SIPA1L3: variants seen among roughly 807,000 people sequenced by gnomAD.
SIPA1L3 encodes the protein signal induced proliferation associated 1 like 3.
Under a neutral mutation model 150.1 loss-of-function variants are expected in SIPA1L3, and 59 were observed. The observed-to-expected ratio is 0.39, with a 90% confidence interval of 0.32 to 0.49. The LOEUF is 0.49. SIPA1L3 is among the 20% of genes least tolerant of loss of function. SIPA1L3 has a pLI of 0.86. For missense variants in SIPA1L3, 2,211 were observed against 2,489.5 expected (o/e 0.89, Z 2.38); for synonymous variants, 1,070 against 1,077.6 (o/e 0.99, Z 0.14).
At chr19:38,157,121 C>T (rs1463575227) in intron 13 of SIPA1L3, among the ~76,000 whole-genome samples, 2 of 152,076 alleles carry the variant, frequency 1.3e-5, no homozygotes, top group Non-Finnish European at 2.9e-5. Flanking sequence ...CCATGATCCA[C>T]TACACTCCAG....
At chr19:38,051,018 C>T (rs1969185415) in intron 2 of SIPA1L3, among the ~76,000 whole-genome samples, 1 of 152,172 alleles carries the variant, frequency 6.6e-6, no homozygotes, top group African/African-American at 2.4e-5. Flanking sequence ...AAGATCATGC[C>T]ACTGCACTCC....
At chr19:37,948,680 G>A (rs957270620) in intron 1 of SIPA1L3, among the ~76,000 whole-genome samples, 8 of 152,240 alleles carry the variant, frequency 5.3e-5, no homozygotes, top group South Asian at 4.2e-4. Flanking sequence ...GGACAGGCAC[G>A]GCCCCCACGC....
At position 37,991,926 on chromosome 19, in the gene SIPA1L3, A is replaced by T. The variant is rs1028866350; in HGVS notation, c.-378-37163A>T. 3.9e-5 allele frequency among the ~76,000 whole-genome samples: 6 copies of T among 152,334 alleles called. No homozygotes were observed. The East Asian group carries it at 9.6e-4, about 24-fold the overall frequency. On this transcript the variant is annotated intron_variant, in intron 1 of 21. Coordinates refer to ENST00000222345, the MANE Select transcript of SIPA1L3 (RefSeq NM_015073.3). ...CTGCACTAGCTGCATGACCTGGGGC[A>T]GGTACTTCACCTCCTTCCTCAGGCT...
At chr19:38,187,715 C>CAAAAAAA (rs34187992) in intron 16 of SIPA1L3, among the ~76,000 whole-genome samples, 220 of 59,284 alleles carry the variant, frequency 3.7e-3, no homozygotes, top group Middle Eastern at 0.037. Flanking sequence ...GACTCCGTCT[C>CAAAAAAA]AAAAAAAAAA....
Position 38,081,396 on chromosome 19 carries a change from G to T in SIPA1L3, c.-170G>T. 1.6e-6 allele frequency: 1 copy of T among 637,346 alleles called. No homozygotes were observed. Among genetic ancestry groups the T allele is most frequent in the South Asian group, 2.1e-5 (1 of 48,056 alleles). 39.5% of individuals were successfully genotyped at this position (637,346 alleles called of 1,614,324 possible). A position where few individuals can be genotyped will look rare whatever the true frequency, so the allele number is the denominator to read the frequency against. ...GGTTGTCCTGGCTCAGCTGTGCACA[G>T]CGATGGTGGAGAACTGGACTCCACA... On this transcript the variant is annotated 5_prime_UTR_variant, in exon 3 of 22. Transcript: ENST00000222345.
chr19:38,067,050 A>C (rs1969610449), intron 2 of SIPA1L3, among the ~76,000 whole-genome samples: 1 of 151,904 alleles, frequency 6.6e-6, no homozygotes. Context: ...CAGCCTGGGC[A>C]ACGTAGCAAG....
chr19:38,172,339 T>G (rs1456570557), intron 15 of SIPA1L3, among the ~76,000 whole-genome samples: 2 of 152,170 alleles, frequency 1.3e-5, no homozygotes, highest in East Asian at 1.9e-4. Flanking sequence ...GGGGACTGAT[T>G]CTTCCAGTCA....
chr19:38,136,603 C>CAAAA (rs1343752413), intron 10 of SIPA1L3, among the ~76,000 whole-genome samples: 1 of 151,774 alleles, frequency 6.6e-6, no homozygotes, highest in African/African-American at 2.4e-5. Context: ...GACTCCGTCT[C>CAAAA]AAAAAAAAAT....
rs767123114 is a variant in SIPA1L3, at chr19:38,119,501, C to G, written c.2487C>G (p.Ala829=). ...RTRQEYLKDL[A]ENCVSNTPID... ...GCCAGGAGTATCTCAAGGACCTGGC[C>G]GAAAACTGTGTCTCCAACACCCCCA... is the stretch of plus-strand genomic sequence containing the variant. The change falls in exon 9 of 22, where the codon GCC becomes GCG. Residue 829 remains alanine, a synonymous_variant. Transcript: ENST00000222345. The G allele has an allele frequency of 1.2e-6, 2 of 1,614,152 alleles. No homozygotes were observed. Among genetic ancestry groups the G allele is most frequent in the Non-Finnish European group, 8.5e-7 (1 of 1,180,038 alleles).
At chr19:38,170,323 C>A (rs1972299096) in intron 15 of SIPA1L3, among the ~76,000 whole-genome samples, 1 of 152,212 alleles carries the variant, frequency 6.6e-6, no homozygotes, top group South Asian at 2.1e-4. Context: ...TGGGGCCAGA[C>A]CTTGGTTCAA....
chr19:38,105,895 G>T (rs1054881484), intron 6 of SIPA1L3, among the ~76,000 whole-genome samples: 2 of 152,184 alleles, frequency 1.3e-5, no homozygotes, highest in African/African-American at 4.8e-5. Context: ...GAAAGGAAGT[G>T]CCAGGTTATC....
At chr19:37,980,819 G>A (rs746709184) in intron 1 of SIPA1L3, among the ~76,000 whole-genome samples, 2 of 152,208 alleles carry the variant, frequency 1.3e-5, no homozygotes, top group Non-Finnish European at 2.9e-5. Flanking sequence ...GAGGGTTATT[G>A]GGGCTGGTTA....
At chr19:37,950,854 A>G (rs368215325) in intron 1 of SIPA1L3, among the ~76,000 whole-genome samples, 4 of 152,234 alleles carry the variant, frequency 2.6e-5, no homozygotes, top group Admixed American at 1.3e-4. Flanking sequence ...GGTTATATCT[A>G]TTCCCCAGAC....
Position 38,119,760 on chromosome 19 carries a change from G to A in SIPA1L3, c.2746G>A (p.Val916Ile), listed in dbSNP as rs745336362. ...GGTGTTCAACTGCTACTGCGGGGAT[G>A]TCATTGGCTGGACTCCAGACTCCTC... ...EVVFNCYCGDVIGWTPDSSTL... is the reference protein window; with the variant it reads ...EVVFNCYCGDIIGWTPDSSTL... The change falls in exon 9 of 22, where the codon GTC (valine) becomes ATC (isoleucine). Residue 916 changes from valine (V) to isoleucine (I), a missense_variant. Physicochemically the swap from Val to Ile is conservative, Grantham distance 29. Transcript: ENST00000222345. The A allele has an allele frequency of 6.2e-7, 1 of 1,614,068 alleles. No homozygotes were observed. Among genetic ancestry groups the A allele is most frequent in the Non-Finnish European group, 8.5e-7 (1 of 1,180,030 alleles).
At chr19:38,059,775 CT>C (rs943110877) in intron 2 of SIPA1L3, among the ~76,000 whole-genome samples, 72 of 150,664 alleles carry the variant, frequency 4.8e-4, no homozygotes, top group Non-Finnish European at 4.3e-4. Flanking sequence ...CACCAGAACC[CT>C]TTTTTTTTCC....
intron 2 of SIPA1L3, among the ~76,000 whole-genome samples, chr19:38,033,233 G>C (rs1385548818): frequency 6.6e-6 from 1 of 152,226 alleles, no homozygotes; most frequent in African/African-American, 2.4e-5. Flanking sequence ...TTTTTTGCCA[G>C]TCCATTGAAC....
chr19:38,022,508 G>A (rs545948233), intron 1 of SIPA1L3, among the ~76,000 whole-genome samples: 41 of 151,372 alleles, frequency 2.7e-4, no homozygotes, highest in African/African-American at 8.8e-4. Context: ...GACCATCCTG[G>A]CTAACATGGT....
At chr19:37,970,366 A>C (rs1278371040) in intron 1 of SIPA1L3, among the ~76,000 whole-genome samples, 1 of 152,208 alleles carries the variant, frequency 6.6e-6, no homozygotes, top group Non-Finnish European at 1.5e-5. Context: ...CGATTAACAC[A>C]CATTTTTAAT....
chr19:38,078,516 A>G (rs926342548), intron 2 of SIPA1L3, among the ~76,000 whole-genome samples: 1 of 145,482 alleles, frequency 6.9e-6, no homozygotes, highest in Non-Finnish European at 1.6e-5. Flanking sequence ...AGACATGCAC[A>G]CACACACAGA....
Sources: gnomAD v4.1 joint callset for allele counts (sites outside exome capture counted in the v4.1 genomes callset) on GRCh38, gnomAD v4.1.1 for gene constraint, MANE v1.5 for transcripts, NCBI Gene and HGNC (gene_info 2026-07-23, HGNC 2026-07-21) for gene names.